LINGO2: variants seen among roughly 807,000 people sequenced by gnomAD.
The protein encoded by LINGO2 is leucine-rich repeat and immunoglobulin-like domain-containing nogo receptor-interacting protein 2.
Under a neutral mutation model 30.6 loss-of-function variants are expected in LINGO2, and 14 were observed. The ratio of observed to expected loss-of-function variants is 0.46; its 90% CI spans 0.30 to 0.72. The LOEUF is 0.72. Among genes scored for constraint, LINGO2 ranks in the 30% least tolerant of loss-of-function variants. The pLI, the probability that LINGO2 is intolerant of heterozygous loss-of-function variation, is 0.07. For synonymous variants in LINGO2, 317 were observed against 288.5 expected, an observed-to-expected ratio of 1.10 and a Z score of -1.00; for missense variants, 729 against 751.7, an observed-to-expected ratio of 0.97 and a Z score of 0.35.
chr9:28,269,363 G>A (rs554637864), intron 4 of LINGO2, among the ~76,000 whole-genome samples: 1 of 152,116 alleles, frequency 6.6e-6, no homozygotes, highest in East Asian at 1.9e-4. Flanking sequence ...TTTTTCTAAA[G>A]GGAACATTAA....
chr9:28,061,696 T>C (rs1587793964), intron 4 of LINGO2, among the ~76,000 whole-genome samples: 2 of 152,038 alleles, frequency 1.3e-5, no homozygotes, highest in African/African-American at 2.4e-5. Flanking sequence ...GAGATCCTTC[T>C]GAATAGTAGA....
the LINGO2 span, among the ~76,000 whole-genome samples, chr9:29,061,607 T>C: frequency 6.6e-6 from 1 of 152,024 alleles, no homozygotes; most frequent in Non-Finnish European, 1.5e-5. Context: ...TCAAAAATGA[T>C]GCGCGAGAAC....
the LINGO2 span, among the ~76,000 whole-genome samples, chr9:28,964,062 T>C: frequency 1.3e-4 from 19 of 151,976 alleles, no homozygotes; most frequent in Middle Eastern, 3.4e-3. Flanking sequence ...TGTGCATATA[T>C]ATGTGTACAC....
At chr9:28,944,726 T>G in the LINGO2 span, among the ~76,000 whole-genome samples, 1 of 151,996 alleles carries the variant, frequency 6.6e-6, no homozygotes, top group Admixed American at 6.6e-5. Context: ...TTAAAAGAGG[T>G]TATTGACCAG....
chr9:29,213,053 G>A, the LINGO2 span, among the ~76,000 whole-genome samples: 1 of 152,116 alleles, frequency 6.6e-6, no homozygotes, highest in African/African-American at 2.4e-5. Flanking sequence ...AAGGGATCAG[G>A]AGGGGATGGC....
chr9:27,995,974 AC>A (rs1033873327), intron 5 of LINGO2, among the ~76,000 whole-genome samples: 3 of 152,144 alleles, frequency 2.0e-5, no homozygotes, highest in Non-Finnish European at 4.4e-5. Context: ...AAACTTAAAA[AC>A]TTCAATAAAA....
At chr9:28,731,596 T>C in the LINGO2 span, among the ~76,000 whole-genome samples, 2 of 152,038 alleles carry the variant, frequency 1.3e-5, no homozygotes, top group African/African-American at 4.8e-5. Flanking sequence ...TTGGGAACAT[T>C]TGAGGGACAC....
the LINGO2 span, among the ~76,000 whole-genome samples, chr9:28,970,487 G>C: frequency 3.3e-5 from 5 of 152,208 alleles, no homozygotes; most frequent in African/African-American, 1.2e-4. Context: ...GCAATGAAGA[G>C]GTAGAAAAAA....
intron 5 of LINGO2, among the ~76,000 whole-genome samples, chr9:27,954,411 GT>G (rs1247196237): frequency 6.6e-6 from 1 of 152,064 alleles, no homozygotes; most frequent in Non-Finnish European, 1.5e-5. Flanking sequence ...TGCTCTCAAT[GT>G]TTTTAGCTCC....
the LINGO2 span, among the ~76,000 whole-genome samples, chr9:28,892,505 T>G: frequency 1.3e-5 from 2 of 151,990 alleles, no homozygotes; most frequent in Non-Finnish European, 2.9e-5. Context: ...ATACTTTTAC[T>G]AATAATCCAT....
At chr9:28,222,516 T>C (rs1034234560) in intron 4 of LINGO2, among the ~76,000 whole-genome samples, 18 of 146,560 alleles carry the variant, frequency 1.2e-4, no homozygotes, top group South Asian at 2.2e-4. Context: ...TTGACTTAGG[T>C]AAAGGCAAAA....
rs888708291 is a variant in LINGO2, at chr9:28,325,901, G to A, written c.-245-30535C>T. Among the ~76,000 whole-genome samples the A allele has an allele frequency of 4.6e-5, 7 of 152,216 alleles. No homozygotes were observed. In the South Asian group the frequency reaches 1.5e-3, roughly 32 times the overall value. On this transcript the variant is annotated intron_variant, in intron 3 of 5. Coordinates refer to ENST00000379992, the Ensembl canonical transcript of LINGO2. ...CTCTCCCACATTTTATTTAAACAGA[G>A]TTGAGCTCAATCTCTCTCCCCTACT...
intron 1 of LINGO2, among the ~76,000 whole-genome samples, chr9:28,552,240 T>C (rs1822326017): frequency 1.3e-5 from 2 of 152,012 alleles, no homozygotes; most frequent in South Asian, 4.1e-4. Context: ...TGATGGGTGA[T>C]TCCCTCTACC....
At chr9:27,960,264 A>C (rs900228067) in intron 5 of LINGO2, among the ~76,000 whole-genome samples, 1 of 152,192 alleles carries the variant, frequency 6.6e-6, no homozygotes, top group Non-Finnish European at 1.5e-5. Flanking sequence ...AGTCCTGGTT[A>C]ATCAATCTAG....
At chr9:28,151,062 T>A (rs1208432730) in intron 4 of LINGO2, among the ~76,000 whole-genome samples, 1 of 152,176 alleles carries the variant, frequency 6.6e-6, no homozygotes, top group Non-Finnish European at 1.5e-5. Flanking sequence ...AGAGTAACAC[T>A]AATAACAAAT....
At position 28,594,226 on chromosome 9, in the gene LINGO2, A is replaced by T. The variant is rs942023101; in HGVS notation, c.-365+75974T>A. 4.6e-5 allele frequency among the ~76,000 whole-genome samples: 7 copies of T among 152,136 alleles called. No homozygotes were observed. The South Asian group carries it at 6.2e-4, about 14-fold the overall frequency. ...ATTTAAGGTTCTCTCTACATAGGAA[A>T]GCACTTTTTCTTCTGTGGTCTTTGC... On this transcript the variant is annotated intron_variant, in intron 1 of 5. Transcript: ENST00000379992.
chr9:28,518,300 A>G (rs1174687754), intron 1 of LINGO2, among the ~76,000 whole-genome samples: 1 of 152,216 alleles, frequency 6.6e-6, no homozygotes, highest in Non-Finnish European at 1.5e-5. Flanking sequence ...CCTTTCCACC[A>G]TTCAATGAAA....
intron 1 of LINGO2, among the ~76,000 whole-genome samples, chr9:28,499,489 C>G (rs1416107439): frequency 6.6e-6 from 1 of 152,040 alleles, no homozygotes; most frequent in East Asian, 1.9e-4. Flanking sequence ...AGTTCAAGTG[C>G]CTGACAGCAA....
the LINGO2 span, among the ~76,000 whole-genome samples, chr9:29,037,686 C>T: frequency 5.3e-5 from 8 of 151,864 alleles, no homozygotes; most frequent in Admixed American, 3.9e-4. Context: ...GTATTGGTAA[C>T]GGAAGTTCCA....
Sources: allele counts gnomAD v4.1 joint callset (sites outside exome capture counted in the v4.1 genomes callset), GRCh38; gene constraint gnomAD v4.1.1; transcripts MANE v1.5; gene names NCBI Gene and HGNC (gene_info 2026-07-23, HGNC 2026-07-21).